The following CLASP2 variants were observed in gnomAD, a reference collection of about 807,000 sequenced individuals.
The protein encoded by CLASP2 is CLIP-associating protein 2.
Under a neutral mutation model 194.4 loss-of-function variants are expected in CLASP2, and 47 were observed. The observed-to-expected ratio is 0.24, with a 90% CI of 0.19 to 0.31. The LOEUF (loss-of-function observed/expected upper bound fraction) is 0.31. CLASP2 is among the 10% of genes least tolerant of loss of function. The pLI, the probability that CLASP2 is intolerant of heterozygous loss-of-function variation, is 1.00. For missense variants in CLASP2, 1,445 were observed against 1,823.6 expected (o/e 0.79, Z 3.78); for synonymous variants, 619 against 633.5 (o/e 0.98, Z 0.34).
chr3:33,568,591 C>T (rs1262961034), intron 26 of CLASP2, among the ~76,000 whole-genome samples: 1 of 122,354 alleles, frequency 8.2e-6, no homozygotes, highest in African/African-American at 3.3e-5. Flanking sequence ...CACACACACA[C>T]CCCCTCACAT....
At chr3:33,562,826 G>A (rs1359963039) in intron 27 of CLASP2, among the ~76,000 whole-genome samples, 1 of 152,160 alleles carries the variant, frequency 6.6e-6, no homozygotes. Context: ...TACATGACCT[G>A]CCCAATGTTT....
intron 2 of CLASP2, 79 bp from the exon 3 acceptor site, chr3:33,690,011 T>A: frequency 1.1e-6 from 1 of 870,646 alleles, no homozygotes; most frequent in Non-Finnish European, 1.7e-6. Context: ...AAATTACAAA[T>A]AGCAATTGTT....
chr3:33,543,626 T>C, intron 31 of CLASP2, 87 bp from the exon 32 acceptor site: 1 of 780,468 alleles, frequency 1.3e-6, no homozygotes, highest in Admixed American at 2.0e-5. Context: ...AACATTAGGT[T>C]GAACCATATT....
intron 27 of CLASP2, among the ~76,000 whole-genome samples, chr3:33,566,035 A>G (rs1006668101): frequency 5.3e-5 from 8 of 152,152 alleles, no homozygotes; most frequent in African/African-American, 1.9e-4. Flanking sequence ...ACATGCATAC[A>G]TATCTATCTT....
At chr3:33,528,782 G>C (rs982412976) in intron 34 of CLASP2, among the ~76,000 whole-genome samples, 2 of 151,240 alleles carry the variant, frequency 1.3e-5, no homozygotes, top group Non-Finnish European at 2.9e-5. Flanking sequence ...AAGAAAGAAA[G>C]AAACAAAGAA....
chr3:33,674,868 C>T (rs373110591), intron 6 of CLASP2, among the ~76,000 whole-genome samples: 250 of 152,164 alleles, frequency 1.6e-3, no homozygotes, highest in Non-Finnish European at 2.1e-3. Context: ...ACACATACAC[C>T]CTCCCAAGAC....
intron 12 of CLASP2, among the ~76,000 whole-genome samples, chr3:33,617,049 T>C (rs2076312145): frequency 6.6e-6 from 1 of 151,006 alleles, no homozygotes; most frequent in East Asian, 1.9e-4. Flanking sequence ...TCTAACATTG[T>C]TACAAAGGTT....
chr3:33,585,658 A>C (rs2067195892), intron 21 of CLASP2, among the ~76,000 whole-genome samples: 1 of 152,064 alleles, frequency 6.6e-6, no homozygotes, highest in South Asian at 2.1e-4. Context: ...GATTTCTGAG[A>C]TTCTGGTGCA....
At chr3:33,520,689 T>C (rs2052767475) in intron 34 of CLASP2, among the ~76,000 whole-genome samples, 1 of 152,118 alleles carries the variant, frequency 6.6e-6, no homozygotes, top group African/African-American at 2.4e-5. Flanking sequence ...ATATTAAAGA[T>C]AACGAAAGCT....
At chr3:33,520,820 TACACACACACACACACACACAC>T (rs57151303) in intron 34 of CLASP2, among the ~76,000 whole-genome samples, 23 of 142,436 alleles carry the variant, frequency 1.6e-4, no homozygotes, top group Non-Finnish European at 2.6e-4. Flanking sequence ...TGTAAATCTC[TACACACACACACACACACACAC>T]ACACACACAC....
At position 33,501,682 on chromosome 3, in the gene CLASP2, T is replaced by G; in HGVS notation, c.4404A>C (p.Lys1468Asn). ...AVHAVIGDEL[K>N]PHLSQLTGSK... is the part of the protein sequence containing the mutation. ...TGCCAGTAAGTTGACTGAGATGTGG[T>G]TTTAGTTCATCACCAATTACCGCAT... Residue 1468 changes from lysine (K) to asparagine (N), a missense_variant, in exon 38 of 39, where the codon AAA becomes AAC. Lys to Asn is a moderately conservative substitution (Grantham distance 94, BLOSUM62 0). Coordinates refer to ENST00000682230, the MANE Select transcript of CLASP2 (RefSeq NM_001365631.1). 1 of 1,613,084 alleles carries G rather than the reference T, an allele frequency of 6.2e-7. No individual in the cohort carries two copies. Among genetic ancestry groups the G allele is most frequent in the Non-Finnish European group, 8.5e-7 (1 of 1,179,188 alleles).
intron 1 of CLASP2, among the ~76,000 whole-genome samples, chr3:33,698,236 G>C (rs1038109067): frequency 6.6e-5 from 10 of 152,160 alleles, no homozygotes; most frequent in African/African-American, 2.4e-4. Flanking sequence ...ATCAAACACT[G>C]TTACGCCTAA....
chr3:33,538,718 CAAAATGTAATTTAA>C (rs2057831938), intron 33 of CLASP2, 57 bp downstream of exon 33: 4 of 1,288,942 alleles, frequency 3.1e-6, no homozygotes, highest in Non-Finnish European at 4.1e-6. Context: ...TGACAGAAAG[CAAAATGTAATTTAA>C]AAAATTATTA....
chr3:33,533,859 G>C (rs1330504826), intron 34 of CLASP2, among the ~76,000 whole-genome samples: 1 of 152,110 alleles, frequency 6.6e-6, no homozygotes, highest in Non-Finnish European at 1.5e-5. Flanking sequence ...TGGGATGACA[G>C]GCGCGTGCCA....
chr3:33,623,990 T>C (rs1038625715), intron 10 of CLASP2, among the ~76,000 whole-genome samples: 2 of 152,148 alleles, frequency 1.3e-5, no homozygotes, highest in African/African-American at 4.8e-5. Flanking sequence ...TTCAACACTT[T>C]TATTCAACAG....
At chr3:33,524,732 G>A (rs1281915143) in intron 34 of CLASP2, among the ~76,000 whole-genome samples, 1 of 151,862 alleles carries the variant, frequency 6.6e-6, no homozygotes, top group Non-Finnish European at 1.5e-5. Context: ...TAAAGGAGGA[G>A]GACATTATAT....
intron 37 of CLASP2, chr3:33,503,429 C>CT (rs544142593): frequency 1.7e-3 from 240 of 142,208 alleles, no homozygotes; most frequent in Non-Finnish European, 2.0e-3. Context: ...TATCTTTTTC[C>CT]TTTTTTTTTT....
chr3:33,576,903 G>GT (rs1242246905), intron 23 of CLASP2, among the ~76,000 whole-genome samples: 421 of 140,264 alleles, frequency 3.0e-3, no homozygotes, highest in South Asian at 6.1e-3. Flanking sequence ...CACCATTTTG[G>GT]TTTTTTTTTT....
chr3:33,576,110 C>A (rs1303664827), intron 24 of CLASP2, 59 bp downstream of exon 24: 3 of 1,331,354 alleles, frequency 2.3e-6, no homozygotes, highest in Non-Finnish European at 3.2e-6. Flanking sequence ...GACTGGCCTA[C>A]TCATTCAACA....
Sources: allele counts gnomAD v4.1 joint callset (sites outside exome capture counted in the v4.1 genomes callset), GRCh38; gene constraint gnomAD v4.1.1; transcripts MANE v1.5; gene names NCBI Gene and HGNC (gene_info 2026-07-23, HGNC 2026-07-21).